Variants in LIMD1 observed in about 807,000 individuals in gnomAD.
The protein encoded by LIMD1 is LIM domain-containing protein 1.
Under a neutral mutation model 58.4 loss-of-function variants are expected in LIMD1, and 23 were observed. The ratio of observed to expected loss-of-function variants is 0.39; its 90% confidence interval spans 0.28 to 0.56. LIMD1 has a LOEUF of 0.56. Ranked by LOEUF, LIMD1 falls within the 20% of genes least tolerant of loss-of-function variation. The probability of loss-of-function intolerance (pLI) is 0.57; values close to 1 mark genes in which losing one functional copy is unlikely to be tolerated. For synonymous variants in LIMD1, 334 were observed against 345.5 expected (o/e 0.97, Z 0.37); for missense variants, 838 against 855.5 (o/e 0.98, Z 0.25).
chr3:45,603,759 C>G (rs1261463405), intron 1 of LIMD1, among the ~76,000 whole-genome samples: 1 of 152,190 alleles, frequency 6.6e-6, no homozygotes, highest in Admixed American at 6.5e-5. Context: ...ACCTCAGCCT[C>G]CCAAAGTGCT....
intron 1 of LIMD1, among the ~76,000 whole-genome samples, chr3:45,628,220 A>G (rs766255798): frequency 9.2e-5 from 14 of 152,134 alleles, no homozygotes; most frequent in Non-Finnish European, 5.9e-5. Context: ...CTGAGAGTCT[A>G]TGGGGACCAA....
chr3:45,655,068 C>T (rs555226901), intron 2 of LIMD1, among the ~76,000 whole-genome samples: 13 of 151,856 alleles, frequency 8.6e-5, no homozygotes, highest in African/African-American at 2.9e-4. Flanking sequence ...TACAGGCTCA[C>T]GCCACCAGGC....
In LIMD1 at chr3:45,595,619, A is replaced by G. The variant is rs1701338450; in HGVS notation, c.740A>G (p.Gln247Arg). The change falls in exon 1 of 8, where the codon CAG becomes CGG. Residue 247 changes from glutamine (Q) to arginine (R), a missense_variant. Coordinates refer to ENST00000273317, the MANE Select transcript of LIMD1 (RefSeq NM_014240.3). Reference protein sequence around the residue: ...SRSSEGSLGGQNSGIGGRSSE... With the variant: ...SRSSEGSLGGRNSGIGGRSSE... ...TCTTCTGAGGGTAGCCTCGGTGGTC[A>G]GAATAGTGGCATTGGTGGCCGCAGC... The G allele has an allele frequency of 1.9e-6, 3 of 1,613,608 alleles. No homozygotes were observed. The African/African-American group carries it at 4.0e-5, about 22-fold the overall frequency.
chr3:45,669,203 A>G (rs1697560733), intron 4 of LIMD1, among the ~76,000 whole-genome samples: 1 of 152,132 alleles, frequency 6.6e-6, no homozygotes, highest in Admixed American at 6.6e-5. Flanking sequence ...TTCAGTGGGG[A>G]CAATTTTTCC....
At chr3:45,610,391 G>A (rs2125650658) in intron 1 of LIMD1, among the ~76,000 whole-genome samples, 1 of 152,282 alleles carries the variant, frequency 6.6e-6, no homozygotes. Flanking sequence ...ACTCAGATGA[G>A]CGCTCTCATG....
Position 45,595,995 on chromosome 3 carries a change from T to A in LIMD1, c.1116T>A (p.Pro372=). 1 of 1,614,182 alleles carries A rather than the reference T, an allele frequency of 6.2e-7. No homozygotes were observed. Among genetic ancestry groups the A allele is most frequent in the South Asian group, 1.1e-5 (1 of 91,082 alleles). Residue 372 remains proline (P), a synonymous_variant, in exon 1 of 8, where the codon CCT becomes CCA. Transcript: ENST00000273317. ...CGGTCCCTGGGCTGGGGCCGAAGCCTGGCTGCACAGACCTTGGCACTGGTC... is the reference window on the plus strand; with the variant it reads ...CGGTCCCTGGGCTGGGGCCGAAGCCAGGCTGCACAGACCTTGGCACTGGTC... ...QGAVPGLGPK[P]GCTDLGTGPK... is the part of the protein sequence containing the mutation.
chr3:45,643,435 A>G (rs1279965384), intron 2 of LIMD1, among the ~76,000 whole-genome samples: 2 of 151,934 alleles, frequency 1.3e-5, no homozygotes, highest in African/African-American at 4.8e-5. Flanking sequence ...CAGTGAGCCA[A>G]GATTGCGCCA....
chr3:45,639,376 G>T (rs1701819119), intron 2 of LIMD1, among the ~76,000 whole-genome samples: 1 of 152,212 alleles, frequency 6.6e-6, no homozygotes, highest in Non-Finnish European at 1.5e-5. Flanking sequence ...ACCAATTGAT[G>T]AGCGTCTTAG....
Position 45,678,080 on chromosome 3 carries a change from A to C in LIMD1, c.*1021A>C, listed in dbSNP as rs1697695393. On this transcript the variant is annotated 3_prime_UTR_variant, in exon 8 of 8. Transcript: ENST00000273317. ...GCGTGGGAGGGAGCGCCTCAGGATA[A>C]GTTATTATATTCATTTCGTTGGTTT... is the stretch of plus-strand genomic sequence containing the variant. 1 of 152,580 alleles carries C rather than the reference A, an allele frequency of 6.6e-6. No individual in the cohort carries two copies. Among genetic ancestry groups the C allele is most frequent in the African/African-American group, 2.4e-5 (1 of 41,432 alleles). 9.5% of individuals were successfully genotyped at this position (152,580 alleles called of 1,614,324 possible).
chr3:45,595,172 CTG>C lies in LIMD1; in HGVS notation c.296_297del (p.Val99GlyfsTer59). 1 of 1,604,668 alleles carries C rather than the reference CTG, an allele frequency of 6.2e-7. No homozygotes were observed. On this transcript the variant is annotated frameshift_variant, in exon 1 of 8. Coordinates refer to ENST00000273317, the MANE Select transcript of LIMD1 (RefSeq NM_014240.3). LOFTEE classifies it high-confidence loss of function. ...TGGGAAGTTGTGGGCAGCAAGCTGA[CTG>C]TGGATGGTGCTGCCAAGCCTCCTCT... is the stretch of plus-strand genomic sequence containing the variant.
chr3:45,615,356 T>C (rs1575346703), intron 1 of LIMD1, among the ~76,000 whole-genome samples: 1 of 152,214 alleles, frequency 6.6e-6, no homozygotes, highest in East Asian at 1.9e-4. Flanking sequence ...TTTTATTTTG[T>C]ATTTTATTTG....
chr3:45,632,192 T>C (rs1701739801), intron 1 of LIMD1, among the ~76,000 whole-genome samples: 2 of 152,226 alleles, frequency 1.3e-5, no homozygotes, highest in African/African-American at 2.4e-5. Flanking sequence ...AAACTAGCTT[T>C]TGTTGCTCAT....
At chr3:45,637,943 C>T (rs1408428443) in intron 2 of LIMD1, among the ~76,000 whole-genome samples, 1 of 150,308 alleles carries the variant, frequency 6.7e-6, no homozygotes, top group Admixed American at 6.6e-5. Context: ...TAGGAGTGGT[C>T]TGGTTATCGA....
chr3:45,625,052 G>A (rs1326719705), intron 1 of LIMD1, among the ~76,000 whole-genome samples: 4 of 151,730 alleles, frequency 2.6e-5, no homozygotes, highest in Non-Finnish European at 4.4e-5. Context: ...TGTATCTGCA[G>A]TTGACCAGTT....
intron 2 of LIMD1, among the ~76,000 whole-genome samples, chr3:45,664,764 G>T (rs1697490060): frequency 6.6e-6 from 1 of 152,204 alleles, no homozygotes; most frequent in Non-Finnish European, 1.5e-5. Context: ...TGTATCTCGG[G>T]CACTGTTTGT....
chr3:45,669,328 C>T (rs1219180629), intron 4 of LIMD1, among the ~76,000 whole-genome samples: 2 of 152,186 alleles, frequency 1.3e-5, no homozygotes, highest in East Asian at 1.9e-4. Flanking sequence ...ATATAACATA[C>T]TTTAAGTTGG....
intron 1 of LIMD1, among the ~76,000 whole-genome samples, chr3:45,621,317 A>T (rs1170121808): frequency 6.6e-6 from 1 of 151,890 alleles, no homozygotes; most frequent in African/African-American, 2.4e-5. Flanking sequence ...GCAGCCATGA[A>T]CTCCCAGGCT....
intron 2 of LIMD1, among the ~76,000 whole-genome samples, chr3:45,652,485 A>T (rs1319636457): frequency 6.6e-6 from 1 of 152,210 alleles, no homozygotes; most frequent in African/African-American, 2.4e-5. Flanking sequence ...TGGCTGCCAG[A>T]CATTGTAAAC....
chr3:45,630,560 C>T (rs1701717698), intron 1 of LIMD1, among the ~76,000 whole-genome samples: 1 of 152,090 alleles, frequency 6.6e-6, no homozygotes, highest in East Asian at 1.9e-4. Context: ...ATTGAGGTCC[C>T]AGTCAGAAAG....
Sources: allele counts gnomAD v4.1 joint callset (sites outside exome capture counted in the v4.1 genomes callset), GRCh38; gene constraint gnomAD v4.1.1; transcripts MANE v1.5; gene names NCBI Gene and HGNC (gene_info 2026-07-23, HGNC 2026-07-21).